The following CDC7 variants were observed in gnomAD, a reference collection of about 807,000 sequenced individuals.
CDC7 encodes the protein cell division cycle 7-related protein kinase.
Under a neutral mutation model 53.5 loss-of-function variants are expected in CDC7, and 34 were observed. The ratio of observed to expected loss-of-function variants is 0.64; its 90% CI spans 0.48 to 0.85. The LOEUF (loss-of-function observed/expected upper bound fraction) is 0.85, where lower values mean the gene tolerates loss of function less well. Among genes scored for constraint, CDC7 ranks in the 40% least tolerant of loss-of-function variants. The probability of loss-of-function intolerance (pLI) is 0.00; values close to 1 mark genes in which losing one functional copy is unlikely to be tolerated. For synonymous variants in CDC7, 211 were observed against 222.8 expected (o/e 0.95, Z 0.47); for missense variants, 594 against 679.7 (o/e 0.87, Z 1.40).
chr1:91,512,909 T>C (rs1468333036), intron 6 of CDC7, 149 bp from the exon 7 acceptor site: 1 of 688,566 alleles, frequency 1.5e-6, no homozygotes, highest in Non-Finnish European at 2.4e-6. Flanking sequence ...CTGGAAAACT[T>C]ATTTTTTTTT....
chr1:91,505,206 T>G (rs916924733), intron 2 of CDC7, among the ~76,000 whole-genome samples: 3 of 152,056 alleles, frequency 2.0e-5, no homozygotes, highest in African/African-American at 7.2e-5. Flanking sequence ...ACAAAGACCC[T>G]GAGATGGGAG....
In CDC7 at chr1:91,524,747, T is replaced by C. The variant is rs1342867411; in HGVS notation, c.*312T>C. The C allele has an allele frequency of 4.5e-6, 1 of 220,014 alleles. No homozygotes were observed. 13.6% of individuals were successfully genotyped at this position (220,014 alleles called of 1,614,324 possible). On this transcript the variant is annotated 3_prime_UTR_variant, in exon 12 of 12. Coordinates refer to ENST00000234626, the MANE Select transcript of CDC7 (RefSeq NM_003503.4). Reference sequence around the variant, plus strand: ...TATACAGAAAAAGGAGCAGTTTTAGTTTTAATTAATTAAAATTAACAGATG... The same window carrying C: ...TATACAGAAAAAGGAGCAGTTTTAGCTTTAATTAATTAAAATTAACAGATG...
intron 4 of CDC7, among the ~76,000 whole-genome samples, chr1:91,511,272 T>G (rs1339731019): frequency 6.6e-6 from 1 of 152,156 alleles, no homozygotes; most frequent in African/African-American, 2.4e-5. Flanking sequence ...TTAGTGACCT[T>G]GATTTATTTA....
Position 91,514,028 on chromosome 1 carries a change from G to GA in CDC7, c.904dup (p.Ser302LysfsTer18). 6.2e-7 allele frequency: 1 copy of GA among 1,609,544 alleles called. No individual in the cohort carries two copies. The highest frequency in any genetic ancestry group is 8.5e-7 in the Non-Finnish European group (1 of 1,176,346). ...ATATACACAGCTCCATTTCACATGA[G>GA]AGCCCTGCAGTGAAAGTAAGTAATG... On this transcript the variant is annotated frameshift_variant, in exon 8 of 12. Transcript: ENST00000234626. LOFTEE classifies it high-confidence loss of function.
At chr1:91,516,855 A>C (rs1205145504) in intron 10 of CDC7, among the ~76,000 whole-genome samples, 1 of 152,184 alleles carries the variant, frequency 6.6e-6, no homozygotes, top group Admixed American at 6.5e-5. Flanking sequence ...ACCTGAGATC[A>C]GGAGTTTGAA....
At chr1:91,505,617 T>C (rs777163679) in intron 2 of CDC7, among the ~76,000 whole-genome samples, 1 of 152,246 alleles carries the variant, frequency 6.6e-6, no homozygotes, top group African/African-American at 2.4e-5. Context: ...ATTTTCGGGA[T>C]CCTCCTCCAG....
chr1:91,514,495 G>A (rs968457625), intron 8 of CDC7, among the ~76,000 whole-genome samples: 1 of 152,190 alleles, frequency 6.6e-6, no homozygotes, highest in East Asian at 1.9e-4. Context: ...CAACGTACTT[G>A]TGCAGTTTAC....
chr1:91,515,093 T>C lies in CDC7; in HGVS notation c.1097+96T>C. The C allele has an allele frequency of 7.5e-6, 7 of 930,460 alleles. No individual in the cohort carries two copies. The Admixed American group carries it at 1.6e-4, about 21-fold the overall frequency. 57.6% of individuals were successfully genotyped at this position (930,460 alleles called of 1,614,324 possible). On this transcript the variant is annotated intron_variant, in intron 9 of 11. Transcript: ENST00000234626. ...TAATTTTGTGAGTGCAAGGGATCAGTTCAGATCAGTGAACTGCAATGGGCC... is the reference window on the plus strand; with the variant it reads ...TAATTTTGTGAGTGCAAGGGATCAGCTCAGATCAGTGAACTGCAATGGGCC...
At chr1:91,508,739 A>T (rs1405575690) in intron 4 of CDC7, among the ~76,000 whole-genome samples, 1 of 152,118 alleles carries the variant, frequency 6.6e-6, no homozygotes, top group Non-Finnish European at 1.5e-5. Context: ...TGACGACCTC[A>T]TCTAATATTT....
Position 91,524,424 on chromosome 1 carries a change from A to G in CDC7, c.1714A>G (p.Met572Val). 6.2e-7 allele frequency: 1 copy of G among 1,604,506 alleles called. No individual in the cohort carries two copies. The highest frequency in any genetic ancestry group is 8.5e-7 in the Non-Finnish European group (1 of 1,178,138). ...TTTGTTGCATCCATTTTTTAAAGAT[A>G]TGAGCTTGTGATAATGGATCTTCAT... ...EALLHPFFKD[M>V]SL Residue 572 changes from methionine (M) to valine (V), a missense_variant, in exon 12 of 12, where the codon ATG (methionine) becomes GTG (valine). Transcript: ENST00000234626.
At chr1:91,513,397 C>T (rs1011540366) in intron 7 of CDC7, 90 bp downstream of exon 7, 1 of 1,223,020 alleles carries the variant, frequency 8.2e-7, no homozygotes, top group South Asian at 1.6e-5. Flanking sequence ...TAGGATAGTA[C>T]TTATAATTTA....
intron 10 of CDC7, among the ~76,000 whole-genome samples, chr1:91,518,093 CAAAAA>C (rs55787737): frequency 3.9e-4 from 18 of 46,030 alleles, no homozygotes; most frequent in South Asian, 3.1e-3. Context: ...GACTCAGTCT[CAAAAA>C]AAAAAAAAAA....
intron 2 of CDC7, among the ~76,000 whole-genome samples, chr1:91,502,163 A>G (rs1666724180): frequency 6.6e-6 from 1 of 152,256 alleles, no homozygotes; most frequent in South Asian, 2.1e-4. Flanking sequence ...TTAAATGTAG[A>G]AATTGACACT....
chr1:91,521,771 A>C (rs991895663), intron 11 of CDC7, among the ~76,000 whole-genome samples: 6 of 152,200 alleles, frequency 3.9e-5, no homozygotes, highest in Non-Finnish European at 7.3e-5. Flanking sequence ...ATCAGGGCCA[A>C]CAATGGAAAT....
rs565086134 is a variant in CDC7 at position 91,523,171 on chromosome 1, G to A, written c.1331-870G>A. 3.9e-5 allele frequency among the ~76,000 whole-genome samples: 6 copies of A among 152,200 alleles called. No homozygotes were observed. In the East Asian group the frequency reaches 5.8e-4, roughly 15 times the overall value. On this transcript the variant is annotated intron_variant, in intron 11 of 11. Coordinates refer to ENST00000234626, the MANE Select transcript of CDC7 (RefSeq NM_003503.4). ...CTTTATGTGTGCCAAGTACTATTGC[G>A]AGTCTCTGCTTTCACAGAGCTTAAA...
Position 91,507,844 on chromosome 1 carries a change from T to A in CDC7, c.116-10T>A. On this transcript the variant is annotated splice_polypyrimidine_tract_variant and intron_variant, in intron 2 of 11. Transcript: ENST00000234626. ...TTGATTAAAACTCTAAATTTTTGTT[T>A]CCTTGAAAGGTGTTAAAAAAGATAT... 7.7e-7 allele frequency: 1 copy of A among 1,296,536 alleles called. No individual in the cohort carries two copies. Among genetic ancestry groups the A allele is most frequent in the South Asian group, 1.4e-5 (1 of 73,574 alleles). 80.3% of individuals were successfully genotyped at this position (1,296,536 alleles called of 1,614,324 possible).
At chr1:91,515,984 T>A in intron 10 of CDC7, 108 bp downstream of exon 10, 1 of 899,114 alleles carries the variant, frequency 1.1e-6, no homozygotes, top group Non-Finnish European at 1.7e-6. Flanking sequence ...CTTCTGCTTT[T>A]AATTATGTAA....
At chr1:91,522,386 T>A (rs561245104) in intron 11 of CDC7, among the ~76,000 whole-genome samples, 32 of 152,336 alleles carry the variant, frequency 2.1e-4, no homozygotes, top group African/African-American at 7.7e-4. Flanking sequence ...CCTCAACCCT[T>A]AAACCTGGCT....
At position 91,513,204 on chromosome 1, in the gene CDC7, G is replaced by T. The variant is rs1667370490; in HGVS notation, c.719G>T (p.Gly240Val). 1 of 1,613,476 alleles carries T rather than the reference G, an allele frequency of 6.2e-7. No homozygotes were observed. Among genetic ancestry groups the T allele is most frequent in the South Asian group, 1.1e-5 (1 of 91,060 alleles). Residue 240 changes from glycine (G) to valine (V), a missense_variant, in exon 7 of 12, where the codon GGC (glycine) becomes GTC (valine). By Grantham distance (109) the Gly-to-Val change is moderately radical. Transcript: ENST00000234626. ...IITGNKIPLSGPVPKELDQQS... is the reference protein window; with the variant it reads ...IITGNKIPLSVPVPKELDQQS... ...ACAGGAAACAAGATTCCACTGAGTG[G>T]CCCAGTACCTAAGGAGCTGGATCAG...
Sources: gnomAD v4.1 joint callset for allele counts (sites outside exome capture counted in the v4.1 genomes callset) on GRCh38, gnomAD v4.1.1 for gene constraint, MANE v1.5 for transcripts, NCBI Gene and HGNC (gene_info 2026-07-23, HGNC 2026-07-21) for gene names.